The following PCDHGA5 variants were observed in gnomAD, a reference collection of about 807,000 sequenced individuals.
PCDHGA5 encodes the protein protocadherin gamma-A5.
Under a neutral mutation model 56.7 loss-of-function variants are expected in PCDHGA5, and 36 were observed. The observed-to-expected ratio is 0.64, with a 90% confidence interval of 0.49 to 0.84. The LOEUF (loss-of-function observed/expected upper bound fraction) is 0.84, where lower values mean the gene tolerates loss of function less well. PCDHGA5 is among the 40% of genes least tolerant of loss of function. The pLI is 0.00. For missense variants in PCDHGA5, 1,305 were observed against 1,201.5 expected, an observed-to-expected ratio of 1.09 and a Z score of -1.27; for synonymous variants, 563 against 520.2, an observed-to-expected ratio of 1.08 and a Z score of -1.12.
chr5:141,364,348 G>A lies in PCDHGA5; in HGVS notation c.18G>A (p.Arg6=). The change falls in exon 1 of 4, where the codon AGG becomes AGA. Residue 6 remains arginine, a synonymous_variant. Coordinates refer to ENST00000518069, the MANE Select transcript of PCDHGA5 (RefSeq NM_018918.3). MASPP[R]GWGCGELLLP... The stretch of plus-strand genomic sequence containing the variant: ...AGAAGGCAATGGCGAGTCCACCTAG[G>A]GGCTGGGGCTGCGGAGAGCTGCTGC... 6.5e-7 allele frequency: 1 copy of A among 1,544,604 alleles called. No individual in the cohort carries two copies. Among genetic ancestry groups the A allele is most frequent in the Non-Finnish European group, 8.7e-7 (1 of 1,149,206 alleles).
rs2097438776 is a variant in PCDHGA5 at position 141,432,018 on chromosome 5, T to C, written c.2422-62789T>C. Reference sequence around the variant, plus strand: ...AGGGAACAGGTTCCTAGCTACAACATCACAGTGACCGCCACTGACCGGGGA... The same window carrying C: ...AGGGAACAGGTTCCTAGCTACAACACCACAGTGACCGCCACTGACCGGGGA... On this transcript the variant is annotated intron_variant, in intron 1 of 3. Transcript: ENST00000518069. This position sits in a 1 kb window ranked among gnomAD's most constrained non-coding sequence, Gnocchi z 6.0. 1.9e-6 allele frequency: 3 copies of C among 1,614,048 alleles called. No homozygotes were observed. In the South Asian group the frequency reaches 3.3e-5, roughly 18 times the overall value.
rs888836155 is a variant in PCDHGA5, at chr5:141,512,011, A to C, written c.*838A>C. The C allele has an allele frequency of 1.3e-5, 2 of 152,946 alleles. No homozygotes were observed. The highest frequency in any genetic ancestry group is 6.5e-5 in the Admixed American group (1 of 15,300). The allele number at this position is 152,946 out of a possible 1,614,324, so 9.5% of individuals were successfully genotyped here. ...GGCATGGACAAAGCTTGACACATCA[A>C]GTTATCAAGGCCTTGGAGGAGGCTC... On this transcript the variant is annotated 3_prime_UTR_variant, in exon 4 of 4. Coordinates refer to ENST00000518069, the MANE Select transcript of PCDHGA5 (RefSeq NM_018918.3).
intron 1 of PCDHGA5, among the ~76,000 whole-genome samples, chr5:141,453,176 C>A (rs1225418058): frequency 6.6e-6 from 1 of 152,042 alleles, no homozygotes; most frequent in African/African-American, 2.4e-5. Flanking sequence ...TCCAGTGGTA[C>A]AATCACAGCT....
At chr5:141,427,484 T>C (rs766997973) in intron 1 of PCDHGA5, 7 of 539,726 alleles carry the variant, frequency 1.3e-5, no homozygotes, top group Non-Finnish European at 2.5e-5. Context: ...ATAATGACTA[T>C]AAGCTTGTAA....
intron 1 of PCDHGA5, among the ~76,000 whole-genome samples, chr5:141,483,160 T>C (rs1199191595): frequency 6.6e-6 from 1 of 152,176 alleles, no homozygotes; most frequent in Non-Finnish European, 1.5e-5. Flanking sequence ...AGTTAGATCC[T>C]GAGTTACCTT....
intron 1 of PCDHGA5, among the ~76,000 whole-genome samples, chr5:141,474,116 A>G (rs2099342954): frequency 1.3e-5 from 2 of 152,234 alleles, no homozygotes; most frequent in African/African-American, 4.8e-5. Flanking sequence ...AACAACAACG[A>G]AAATCTCAGA....
At position 141,486,923 on chromosome 5, in the gene PCDHGA5, G is replaced by A. The variant is rs1377159895; in HGVS notation, c.2422-7884G>A. ...ATGTCCCCAAGCACTGCCTCCATCAGTTGGTGCTGGCCACCTAATCACAAA... is the reference window on the plus strand; with the variant it reads ...ATGTCCCCAAGCACTGCCTCCATCAATTGGTGCTGGCCACCTAATCACAAA... On this transcript the variant is annotated intron_variant, in intron 1 of 3. Transcript: ENST00000518069. This position sits in a 1 kb window ranked among gnomAD's most constrained non-coding sequence, Gnocchi z 5.0. 6.2e-7 allele frequency: 1 copy of A among 1,614,252 alleles called. No individual in the cohort carries two copies. Among genetic ancestry groups the A allele is most frequent in the Admixed American group, 1.7e-5 (1 of 60,028 alleles).
chr5:141,413,850 C>G (rs2095685833), intron 1 of PCDHGA5: 3 of 1,613,244 alleles, frequency 1.9e-6, no homozygotes, highest in East Asian at 2.2e-5. Context: ...GTGACCCTCT[C>G]CGATCTGGCA....
chr5:141,451,676 G>A (rs1363843426), intron 1 of PCDHGA5, among the ~76,000 whole-genome samples: 1 of 152,142 alleles, frequency 6.6e-6, no homozygotes, highest in African/African-American at 2.4e-5. Flanking sequence ...GAGCCCAGGA[G>A]TTCAAGACCA....
intron 1 of PCDHGA5, among the ~76,000 whole-genome samples, chr5:141,455,460 A>G (rs1175234914): frequency 1.3e-5 from 2 of 152,186 alleles, no homozygotes; most frequent in Non-Finnish European, 2.9e-5. Flanking sequence ...GATACCAGCC[A>G]GGTATATATG....
chr5:141,477,482 C>G lies in PCDHGA5; in HGVS notation c.2422-17325C>G, dbSNP rs1168724444. On this transcript the variant is annotated intron_variant, in intron 1 of 3. Transcript: ENST00000518069. This position sits in a 1 kb window ranked among gnomAD's most constrained non-coding sequence, Gnocchi z 4.9. ...GTCCGACATCAATGACAACCCTCCA[C>G]AATCTTCTCAATCTTCCTACGACGT... 1 of 1,614,118 alleles carries G rather than the reference C, an allele frequency of 6.2e-7. No individual in the cohort carries two copies. The highest frequency in any genetic ancestry group is 1.1e-5 in the South Asian group (1 of 91,074).
At chr5:141,380,054 C>T (rs1441784259) in intron 1 of PCDHGA5, among the ~76,000 whole-genome samples, 1 of 151,916 alleles carries the variant, frequency 6.6e-6, no homozygotes, top group South Asian at 2.1e-4. Flanking sequence ...TGCATGCCAC[C>T]ATGCCTAGCT....
intron 1 of PCDHGA5, chr5:141,389,025 A>C: frequency 6.2e-7 from 1 of 1,613,992 alleles, no homozygotes; most frequent in Non-Finnish European, 8.5e-7. Flanking sequence ...TGGAGAAGTG[A>C]CTTGTAAATT....
intron 1 of PCDHGA5, chr5:141,400,199 C>G (rs1561675523): frequency 2.5e-6 from 4 of 1,614,048 alleles, no homozygotes; most frequent in Admixed American, 1.7e-5. Flanking sequence ...CTAGTGGTGG[C>G]CTTGGCCTTG....
intron 1 of PCDHGA5, among the ~76,000 whole-genome samples, chr5:141,463,191 C>T (rs2099054821): frequency 6.6e-6 from 1 of 152,100 alleles, no homozygotes; most frequent in Non-Finnish European, 1.5e-5. Flanking sequence ...TATTATTTAG[C>T]CAAAGACTTG....
At chr5:141,478,460 C>G (rs759992881) in intron 1 of PCDHGA5, 1 of 1,613,344 alleles carries the variant, frequency 6.2e-7, no homozygotes, top group East Asian at 2.2e-5. Flanking sequence ...AGCCAGTCCA[C>G]TGGCCAGCCG....
intron 1 of PCDHGA5, among the ~76,000 whole-genome samples, chr5:141,449,007 T>A (rs937327801): frequency 3.3e-5 from 5 of 152,116 alleles, no homozygotes; most frequent in African/African-American, 1.2e-4. Context: ...CTGTTTTTTT[T>A]AACAGTTGCT....
intron 1 of PCDHGA5, among the ~76,000 whole-genome samples, chr5:141,447,135 G>GT (rs905717632): frequency 9.9e-5 from 15 of 151,698 alleles, no homozygotes; most frequent in African/African-American, 3.4e-4. Flanking sequence ...TTGTTTGTTT[G>GT]TTTTTTGTTT....
chr5:141,476,562 C>A lies in PCDHGA5; in HGVS notation c.2422-18245C>A. On this transcript the variant is annotated intron_variant, in intron 1 of 3. Transcript: ENST00000518069. This position sits in a 1 kb window ranked among gnomAD's most constrained non-coding sequence, Gnocchi z 7.6. ...AAATTGGAGATTAGCGAGGCCGTGG[C>A]TCCGGGGACGCGCTTTCCGCTCGAG... 1 of 1,614,218 alleles carries A rather than the reference C, an allele frequency of 6.2e-7. No homozygotes were observed. The highest frequency in any genetic ancestry group is 8.5e-7 in the Non-Finnish European group (1 of 1,180,034).
Sources: gnomAD v4.1 joint callset for allele counts (sites outside exome capture counted in the v4.1 genomes callset) on GRCh38, gnomAD v4.1.1 for gene constraint, Gnocchi (gnomAD v3.1) non-coding constraint, MANE v1.5 for transcripts, NCBI Gene and HGNC (gene_info 2026-07-23, HGNC 2026-07-21) for gene names.